Variants in FOSL2 observed in about 807,000 individuals in gnomAD.
The protein encoded by FOSL2 is FOS like 2, AP-1 transcription factor subunit.
FOSL2 carries 3 observed loss-of-function variants against 27.7 expected under a neutral mutation model. That is an observed-to-expected ratio of 0.11 (90% CI 0.05 to 0.28). The LOEUF is 0.28. Among genes scored for constraint, FOSL2 ranks in the 10% least tolerant of loss-of-function variants. The pLI is 1.00. For synonymous variants in FOSL2, 179 were observed against 190.1 expected, an observed-to-expected ratio of 0.94 and a Z score of 0.48; for missense variants, 333 against 445.1, an observed-to-expected ratio of 0.75 and a Z score of 2.27.
At chr2:28,410,594 A>ACAGGAATC in intron 3 of FOSL2, 4 of 948,028 alleles carry the variant, frequency 4.2e-6, no homozygotes, top group Non-Finnish European at 5.0e-6. Flanking sequence ...TCACTGATGA[A>ACAGGAATC]CAGGAATCCA....
rs1465943430 is a variant in FOSL2, at chr2:28,416,646, T to C, written c.*4198T>C. The C allele has an allele frequency of 2.0e-5, 3 of 152,180 alleles. No homozygotes were observed. The highest frequency in any genetic ancestry group is 1.3e-4 in the Admixed American group (2 of 15,282). 9.4% of individuals were successfully genotyped at this position (152,180 alleles called of 1,614,324 possible). A position where few individuals can be genotyped will look rare whatever the true frequency, so the allele number is the denominator to read the frequency against. ...ACACAGTGGAAGATCCTGTCCTGAT[T>C]CTCAAAAATTATTTTCTCTGTATGA... On this transcript the variant is annotated 3_prime_UTR_variant, in exon 4 of 4. Coordinates refer to ENST00000264716, the MANE Select transcript of FOSL2 (RefSeq NM_005253.4).
intron 1 of FOSL2, chr2:28,396,907 C>T (rs1346088778): frequency 6.6e-6 from 1 of 150,950 alleles, no homozygotes; most frequent in Non-Finnish European, 1.5e-5. Flanking sequence ...AGAACTTTTA[C>T]CAGAAATGAC....
chr2:28,408,909 G>A lies in FOSL2; in HGVS notation c.462+43G>A, dbSNP rs1484408159. 7.1e-7 allele frequency: 1 copy of A among 1,403,008 alleles called. No homozygotes were observed. The allele number at this position is 1,403,008 out of a possible 1,614,324, so 86.9% of individuals were successfully genotyped here. ...GGGTGGGAGCACCTCTGGGTGGGCTGGAGTGAGAGCCCCGGGGGTCCTGAT... is the reference window on the plus strand; with the variant it reads ...GGGTGGGAGCACCTCTGGGTGGGCTAGAGTGAGAGCCCCGGGGGTCCTGAT... On this transcript the variant is annotated intron_variant, in intron 3 of 3. Transcript: ENST00000264716. The surrounding 1 kb of genome is among the most constrained non-coding windows in gnomAD (Gnocchi z 4.1).
At position 28,393,709 on chromosome 2, in the gene FOSL2, C is replaced by A; in HGVS notation, c.-12C>A. ...AAACACCCTGTTTCCTCTCCGGCCC[C>A]CACCGCGGATCATGTACCAGGATTA... On this transcript the variant is annotated 5_prime_UTR_variant, in exon 1 of 4. Transcript: ENST00000264716. This position sits in a 1 kb window ranked among gnomAD's most constrained non-coding sequence, Gnocchi z 4.6. The A allele has an allele frequency of 6.3e-7, 1 of 1,596,040 alleles. No homozygotes were observed. Among genetic ancestry groups the A allele is most frequent in the South Asian group, 1.1e-5 (1 of 89,872 alleles).
chr2:28,396,231 C>T (rs1663831233), intron 1 of FOSL2, among the ~76,000 whole-genome samples: 1 of 151,600 alleles, frequency 6.6e-6, no homozygotes, highest in Admixed American at 6.6e-5. Context: ...CTTTCCCGTC[C>T]TCTCTAGCTT....
At chr2:28,399,933 T>C (rs1037146173) in intron 1 of FOSL2, among the ~76,000 whole-genome samples, 1 of 152,156 alleles carries the variant, frequency 6.6e-6, no homozygotes, top group Non-Finnish European at 1.5e-5. Context: ...GCCTAAAATA[T>C]TTGCTGTCTG....
At position 28,415,248 on chromosome 2, in the gene FOSL2, T is replaced by G. The variant is rs1029883672; in HGVS notation, c.*2800T>G. Reference sequence around the variant, plus strand: ...ATCAGCTCGTGTAAAACACACCGTCTTCTTGGCCTCCTGGCCAGTCTTTCT... The same window carrying G: ...ATCAGCTCGTGTAAAACACACCGTCGTCTTGGCCTCCTGGCCAGTCTTTCT... On this transcript the variant is annotated 3_prime_UTR_variant, in exon 4 of 4. Coordinates refer to ENST00000264716, the MANE Select transcript of FOSL2 (RefSeq NM_005253.4). 5.3e-5 allele frequency: 8 copies of G among 152,316 alleles called. No individual in the cohort carries two copies. Among genetic ancestry groups the G allele is most frequent in the African/African-American group, 1.2e-4 (5 of 41,476 alleles). The allele number at this position is 152,316 out of a possible 1,614,324, so 9.4% of individuals were successfully genotyped here.
intron 1 of FOSL2, among the ~76,000 whole-genome samples, chr2:28,401,728 G>T (rs1219287405): frequency 6.6e-6 from 1 of 152,128 alleles, no homozygotes; most frequent in Non-Finnish European, 1.5e-5. Context: ...ATGCTTTCCT[G>T]TTCACTGCAC....
At chr2:28,402,575 G>A (rs975163612) in intron 1 of FOSL2, among the ~76,000 whole-genome samples, 3 of 152,344 alleles carry the variant, frequency 2.0e-5, no homozygotes, top group Admixed American at 2.0e-4. Flanking sequence ...AGCATAGGGA[G>A]GGTTCTACAG....
chr2:28,396,027 T>C (rs1411110909), intron 1 of FOSL2, among the ~76,000 whole-genome samples: 1 of 152,236 alleles, frequency 6.6e-6, no homozygotes, highest in East Asian at 1.9e-4. Context: ...TTTATTTCTC[T>C]CCGCTTCCTG....
chr2:28,405,703 G>A (rs1235103624), intron 2 of FOSL2, among the ~76,000 whole-genome samples: 1 of 146,786 alleles, frequency 6.8e-6, no homozygotes, highest in Non-Finnish European at 1.5e-5. Context: ...TTCTGTTAAT[G>A]GCAGAACCAC....
chr2:28,405,534 C>T lies in FOSL2; in HGVS notation c.354+1176C>T, dbSNP rs561452424. 1.5e-4 allele frequency among the ~76,000 whole-genome samples: 23 copies of T among 152,302 alleles called. No individual in the cohort carries two copies. In the South Asian group the frequency reaches 4.4e-3, roughly 29 times the overall value. On this transcript the variant is annotated intron_variant, in intron 2 of 3. Transcript: ENST00000264716. ...CCCAGGGCCACAATGTTCCAATATA[C>T]GGACCTTTCAAACATGGTTCCCAGT...
In FOSL2 at chr2:28,393,492, C is replaced by G; in HGVS notation, c.-229C>G. On this transcript the variant is annotated 5_prime_UTR_variant, in exon 1 of 4. Transcript: ENST00000264716. The surrounding 1 kb of genome is among the most constrained non-coding windows in gnomAD (Gnocchi z 4.6). ...CGGGTGGACAACTGGTCCCGCGGCGCTCGCAGAGCCGGAAAGAAGTGCTGT... is the reference window on the plus strand; with the variant it reads ...CGGGTGGACAACTGGTCCCGCGGCGGTCGCAGAGCCGGAAAGAAGTGCTGT... The G allele has an allele frequency of 6.0e-6, 3 of 500,744 alleles. No individual in the cohort carries two copies. Among genetic ancestry groups the G allele is most frequent in the Admixed American group, 4.2e-5 (1 of 23,776 alleles). 31.0% of individuals were successfully genotyped at this position (500,744 alleles called of 1,614,324 possible). A position where few individuals can be genotyped will look rare whatever the true frequency, so the allele number is the denominator to read the frequency against.
intron 3 of FOSL2, 135 bp from the exon 4 acceptor site, chr2:28,411,795 G>T: frequency 2.3e-6 from 2 of 871,708 alleles, no homozygotes; most frequent in South Asian, 1.5e-5. Flanking sequence ...GAGAGACTCA[G>T]ACCAGCGGGG....
rs963537900 is a variant in FOSL2 at position 28,416,236 on chromosome 2, T to C, written c.*3788T>C. The C allele has an allele frequency of 6.6e-6, 1 of 152,104 alleles. No individual in the cohort carries two copies. 9.4% of individuals were successfully genotyped at this position (152,104 alleles called of 1,614,324 possible). On this transcript the variant is annotated 3_prime_UTR_variant, in exon 4 of 4. Coordinates refer to ENST00000264716, the MANE Select transcript of FOSL2 (RefSeq NM_005253.4). The stretch of plus-strand genomic sequence containing the variant: ...ATCTGGCATCTTCTTATGCTTCTAG[T>C]GTTTTGGCCATACATCAACCAAGGG...
chr2:28,401,966 A>G (rs4666070), intron 1 of FOSL2, among the ~76,000 whole-genome samples: 58,785 of 150,996 alleles, frequency 0.39, 12,160 homozygotes, highest in South Asian at 0.51. Flanking sequence ...GCACCGGATA[A>G]CTTTTCTCCA....
chr2:28,404,004 G>A lies in FOSL2; in HGVS notation c.103-103G>A. 7.2e-7 allele frequency: 1 copy of A among 1,385,936 alleles called. No individual in the cohort carries two copies. The highest frequency in any genetic ancestry group is 1.0e-6 in the Non-Finnish European group (1 of 999,148). The allele number at this position is 1,385,936 out of a possible 1,614,324, so 85.9% of individuals were successfully genotyped here. On this transcript the variant is annotated intron_variant, in intron 1 of 3. Transcript: ENST00000264716. The surrounding 1 kb of genome is among the most constrained non-coding windows in gnomAD (Gnocchi z 4.7). ...TGACCTTGCCCTTCGAACACTGACTGTGCTCTGTGCTGGTTTTTGCCTCAG... is the reference window on the plus strand; with the variant it reads ...TGACCTTGCCCTTCGAACACTGACTATGCTCTGTGCTGGTTTTTGCCTCAG...
intron 1 of FOSL2, among the ~76,000 whole-genome samples, chr2:28,399,434 C>A (rs1663926513): frequency 6.6e-6 from 1 of 152,184 alleles, no homozygotes; most frequent in South Asian, 2.1e-4. Context: ...GTGGGGGGAA[C>A]TTCTCTGACC....
chr2:28,412,583 G>A lies in FOSL2; in HGVS notation c.*135G>A. 3 of 1,001,106 alleles carry A rather than the reference G, an allele frequency of 3.0e-6. No homozygotes were observed. The highest frequency in any genetic ancestry group is 2.6e-5 in the East Asian group (1 of 38,858). 62.0% of individuals were successfully genotyped at this position (1,001,106 alleles called of 1,614,324 possible). On this transcript the variant is annotated 3_prime_UTR_variant, in exon 4 of 4. Coordinates refer to ENST00000264716, the MANE Select transcript of FOSL2 (RefSeq NM_005253.4). This position sits in a 1 kb window ranked among gnomAD's most constrained non-coding sequence, Gnocchi z 7.1. ...CACCAGGGAGCTTCCTGGCTCTGGGGGACCCAGGTGGGACTTAGCAGTGAG... is the reference window on the plus strand; with the variant it reads ...CACCAGGGAGCTTCCTGGCTCTGGGAGACCCAGGTGGGACTTAGCAGTGAG...
Sources: allele counts gnomAD v4.1 joint callset (sites outside exome capture counted in the v4.1 genomes callset), GRCh38; gene constraint gnomAD v4.1.1; non-coding constraint Gnocchi (gnomAD v3.1); transcripts MANE v1.5; gene names NCBI Gene and HGNC (gene_info 2026-07-23, HGNC 2026-07-21).